The following TCTA variants were observed in gnomAD, a reference collection of about 807,000 sequenced individuals.
TCTA encodes T cell leukemia translocation altered, also known as T-cell leukemia translocation-altered gene protein.
In TCTA, 13 loss-of-function variants were observed where a neutral mutation model predicts 13.5. The ratio of observed to expected loss-of-function variants is 0.96; its 90% CI spans 0.63 to 1.53. The LOEUF is 1.53. TCTA is among the 40% of genes most tolerant of loss of function. TCTA has a pLI of 0.00. For missense variants in TCTA, 138 were observed against 131.3 expected (o/e 1.05, Z -0.25); for synonymous variants, 58 against 59.0 (o/e 0.98, Z 0.08).
intron 2 of TCTA, among the ~76,000 whole-genome samples, chr3:49,414,318 G>C (rs2107925493): frequency 6.6e-6 from 1 of 152,074 alleles, no homozygotes; most frequent in African/African-American, 2.4e-5. Flanking sequence ...TAGATCACCT[G>C]AGGCCAGGAG....
rs1367952208 is a variant in TCTA at position 49,413,095 on chromosome 3, C to T, written c.254C>T (p.Thr85Met). The part of the protein sequence containing the change: ...GQNGSTPDGS[T>M]HFPSWEMAAN... ...AATGGATCCACGCCTGATGGCTCCA[C>T]GCATTTCCCTTCGTGGTGAGTAAAT... Residue 85 changes from threonine to methionine, a missense_variant, in exon 2 of 3, where the codon ACG becomes ATG. Transcript: ENST00000273590. The T allele has an allele frequency of 1.9e-6, 3 of 1,614,110 alleles. No individual in the cohort carries two copies. Among genetic ancestry groups the T allele is most frequent in the Non-Finnish European group, 2.5e-6 (3 of 1,180,056 alleles).
At chr3:49,412,838 C>T (rs1396354806) in intron 1 of TCTA, 198 bp downstream of exon 1, 11 of 748,380 alleles carry the variant, frequency 1.5e-5, no homozygotes, top group East Asian at 2.7e-5. Context: ...TGTGCCCTGA[C>T]TCATGCCACC....
At chr3:49,413,002 T>C (rs1334827619) in intron 1 of TCTA, 54 bp from the exon 2 acceptor site, 8 of 1,589,448 alleles carry the variant, frequency 5.0e-6, no homozygotes, top group Middle Eastern at 1.7e-4. Context: ...GGCTGATGCC[T>C]GCTCAGATTC....
chr3:49,414,477 T>C (rs757790301), intron 2 of TCTA, among the ~76,000 whole-genome samples: 1 of 152,164 alleles, frequency 6.6e-6, no homozygotes, highest in African/African-American at 2.4e-5. Context: ...GAGGCTGCAG[T>C]GAGCTGAGAT....
At chr3:49,414,481 C>T (rs916581901) in intron 2 of TCTA, among the ~76,000 whole-genome samples, 59 of 152,286 alleles carry the variant, frequency 3.9e-4, no homozygotes, top group South Asian at 4.1e-4. Context: ...CTGCAGTGAG[C>T]TGAGATCTTG....
chr3:49,415,823 C>T lies in TCTA; in HGVS notation c.*961C>T, dbSNP rs892489925. ...AGGAAATTGTCATCTGCCAACTGTC[C>T]TACTCATATTCCTCTCAGTCCTTCT... On this transcript the variant is annotated 3_prime_UTR_variant, in exon 3 of 3. Transcript: ENST00000273590. The T allele has an allele frequency of 6.6e-5, 10 of 152,180 alleles. No individual in the cohort carries two copies. The highest frequency in any genetic ancestry group is 6.6e-4 in the Admixed American group (10 of 15,266). The allele number at this position is 152,180 out of a possible 1,614,324, so 9.4% of individuals were successfully genotyped here.
rs772642481 is a variant in TCTA at position 49,412,467 on chromosome 3, C to G, written c.41C>G (p.Pro14Arg). 1.2e-6 allele frequency: 2 copies of G among 1,613,324 alleles called. No individual in the cohort carries two copies. Among genetic ancestry groups the G allele is most frequent in the Admixed American group, 1.7e-5 (1 of 60,016 alleles). Residue 14 changes from proline to arginine, a missense_variant, in exon 1 of 3, where the codon CCG becomes CGG. Physicochemically the swap from Pro to Arg is moderately radical, Grantham distance 103. Coordinates refer to ENST00000273590, the MANE Select transcript of TCTA (RefSeq NM_022171.3). ...TCTGGGCAGGCCTTGCAGGCTCTGC[C>G]GGCCACGGTGCTGGGCGCGCTGGGC... ...SWSGQALQAL[P>R]ATVLGALGSE...
rs1284648120 is a variant in TCTA, at chr3:49,412,489, G to A, written c.63G>A (p.Leu21=). The A allele has an allele frequency of 5.6e-6, 9 of 1,614,018 alleles. No homozygotes were observed. Among genetic ancestry groups the A allele is most frequent in the Non-Finnish European group, 7.6e-6 (9 of 1,179,996 alleles). ...TGCCGGCCACGGTGCTGGGCGCGCT[G>A]GGCAGCGAGTTCTTGCGGGAGTGGG... ...QALPATVLGA[L]GSEFLREWEA... The change falls in exon 1 of 3, where the codon CTG becomes CTA. Residue 21 remains leucine (L), a synonymous_variant. Transcript: ENST00000273590.
At chr3:49,414,663 A>G (rs2048985858) in intron 2 of TCTA, among the ~76,000 whole-genome samples, 157 bp from the exon 3 acceptor site, 1 of 150,362 alleles carries the variant, frequency 6.7e-6, no homozygotes, top group Non-Finnish European at 1.5e-5. Context: ...TGCTGGGCCC[A>G]GGGTGGGCTG....
At position 49,413,055 on chromosome 3, in the gene TCTA, G is replaced by A; in HGVS notation, c.215-1G>A. 6.2e-7 allele frequency: 1 copy of A among 1,614,162 alleles called. No homozygotes were observed. The highest frequency in any genetic ancestry group is 8.5e-7 in the Non-Finnish European group (1 of 1,180,036). ...AGCTCTGGATGTGTTTCTGCCTCCA[G>A]GTCTGGGTGGTCAGAATGGATCCAC... On this transcript the variant is annotated splice_acceptor_variant, in intron 1 of 2. Coordinates refer to ENST00000273590, the MANE Select transcript of TCTA (RefSeq NM_022171.3). LOFTEE classifies it high-confidence loss of function.
chr3:49,414,291 T>G (rs1226897818), intron 2 of TCTA, among the ~76,000 whole-genome samples: 1 of 151,902 alleles, frequency 6.6e-6, no homozygotes, highest in Admixed American at 6.6e-5. Context: ...CCTAGCACTT[T>G]GGGAGACTGA....
At chr3:49,412,716 C>G in intron 1 of TCTA, 76 bp downstream of exon 1, 1 of 1,510,632 alleles carries the variant, frequency 6.6e-7, no homozygotes, top group Non-Finnish European at 9.1e-7. Context: ...TTGGGTTCCC[C>G]ACTATCCTGC....
At chr3:49,414,192 G>C (rs1011684982) in intron 2 of TCTA, among the ~76,000 whole-genome samples, 1 of 152,066 alleles carries the variant, frequency 6.6e-6, no homozygotes, top group African/African-American at 2.4e-5. Flanking sequence ...AGTGAGCCCA[G>C]ATCACGCCAC....
chr3:49,412,800 C>CAGGT, intron 1 of TCTA, 160 bp downstream of exon 1: 1 of 918,496 alleles, frequency 1.1e-6, no homozygotes, highest in South Asian at 1.6e-5. Context: ...GAAGCTAAGC[C>CAGGT]AGGTACTTGG....
intron 2 of TCTA, 141 bp downstream of exon 2, chr3:49,413,251 G>GC: frequency 2.2e-6 from 2 of 894,388 alleles, no homozygotes; most frequent in Non-Finnish European, 3.5e-6. Flanking sequence ...TGCACGTAGA[G>GC]CTCAGGCTTC....
chr3:49,412,678 C>T, intron 1 of TCTA, 38 bp downstream of exon 1: 2 of 1,600,648 alleles, frequency 1.2e-6, no homozygotes, highest in Non-Finnish European at 1.7e-6. Context: ...CTGGCCGCCC[C>T]CGCCCCCACC....
chr3:49,413,196 C>A, intron 2 of TCTA, 86 bp downstream of exon 2: 1 of 1,489,300 alleles, frequency 6.7e-7, no homozygotes, highest in Non-Finnish European at 9.3e-7. Context: ...AGTTCTCAGG[C>A]TTTAAGCCCA....
intron 2 of TCTA, chr3:49,413,399 GT>G: frequency 2.3e-6 from 1 of 443,044 alleles, no homozygotes; most frequent in East Asian, 4.3e-5. Context: ...AATCCCCTCA[GT>G]TGGGAAGGCA....
Position 49,416,431 on chromosome 3 carries a change from A to C in TCTA, c.*1569A>C. 3.5e-6 allele frequency: 1 copy of C among 283,386 alleles called. No homozygotes were observed. Among genetic ancestry groups the C allele is most frequent in the Non-Finnish European group, 7.0e-6 (1 of 143,160 alleles). The allele number at this position is 283,386 out of a possible 1,614,324, so 17.6% of individuals were successfully genotyped here. The stretch of plus-strand genomic sequence containing the variant: ...GCACAGAGTCAGGATCTCACATTTC[A>C]CCCCAGGCTCAACTGAGGATGTGGC... On this transcript the variant is annotated 3_prime_UTR_variant, in exon 3 of 3. Transcript: ENST00000273590.
Sources: gnomAD v4.1 joint callset for allele counts (sites outside exome capture counted in the v4.1 genomes callset) on GRCh38, gnomAD v4.1.1 for gene constraint, MANE v1.5 for transcripts, NCBI Gene and HGNC (gene_info 2026-07-23, HGNC 2026-07-21) for gene names.